The following ZNF224 variants were observed in gnomAD, a reference collection of about 807,000 sequenced individuals.
ZNF224 encodes zinc finger protein 224.
ZNF224 carries 8 observed loss-of-function variants against 10.5 expected under a neutral mutation model. The observed-to-expected ratio is 0.76, with a 90% CI of 0.45 to 1.37. The LOEUF is 1.37. ZNF224 is among the 40% of genes most tolerant of loss of function. The pLI is 0.00. For synonymous variants in ZNF224, 282 were observed against 287.8 expected (o/e 0.98, Z 0.20); for missense variants, 754 against 854.0 (o/e 0.88, Z 1.46).
Position 44,106,963 on chromosome 19 carries a change from C to G in ZNF224, c.803C>G (p.Ala268Gly), listed in dbSNP as rs1343066396. Residue 268 changes from alanine (A) to glycine (G), a missense_variant, in exon 6 of 6, where the codon GCC becomes GGC. Coordinates refer to ENST00000693561, the MANE Select transcript of ZNF224 (RefSeq NM_001321645.3). Reference protein sequence around the residue: ...KPYNCEECGKAFIHDSQLQEH... With the variant: ...KPYNCEECGKGFIHDSQLQEH... ...TATAATTGTGAGGAATGCGGGAAGGCCTTCATTCACGATTCCCAGCTTCAA... is the reference window on the plus strand; with the variant it reads ...TATAATTGTGAGGAATGCGGGAAGGGCTTCATTCACGATTCCCAGCTTCAA... 2 of 1,610,004 alleles carry G rather than the reference C, an allele frequency of 1.2e-6. No individual in the cohort carries two copies. Among genetic ancestry groups the G allele is most frequent in the South Asian group, 1.1e-5 (1 of 90,616 alleles).
rs768859021 is a variant in ZNF224, at chr19:44,094,383, G to A, written c.-305G>A. On this transcript the variant is annotated 5_prime_UTR_variant, in exon 1 of 6. Transcript: ENST00000693561. Reference sequence around the variant, plus strand: ...GGTGGAGTCGCGGACACTTCCGCTCGGGGACTGAGGTTGCTGCAGTTTTTC... The same window carrying A: ...GGTGGAGTCGCGGACACTTCCGCTCAGGGACTGAGGTTGCTGCAGTTTTTC... 6.6e-6 allele frequency: 1 copy of A among 152,148 alleles called. No individual in the cohort carries two copies. Among genetic ancestry groups the A allele is most frequent in the African/African-American group, 2.4e-5 (1 of 41,414 alleles). 9.4% of individuals were successfully genotyped at this position (152,148 alleles called of 1,614,324 possible).
Position 44,107,702 on chromosome 19 carries a change from T to C in ZNF224, c.1542T>C (p.Cys514=). The change falls in exon 6 of 6, where the codon TGT becomes TGC. Residue 514 remains cysteine, a synonymous_variant. Transcript: ENST00000693561. ...ACACTGGAGAAAAGCCATACAAATG[T>C]GAGAAGTGTGGAAAGGGCTACAATA... ...RVHTGEKPYK[C]EKCGKGYNSK... is the part of the protein sequence containing the mutation. 6.2e-7 allele frequency: 1 copy of C among 1,613,796 alleles called. No individual in the cohort carries two copies. Among genetic ancestry groups the C allele is most frequent in the Non-Finnish European group, 8.5e-7 (1 of 1,180,004 alleles).
rs183888723 is a variant in ZNF224, at chr19:44,101,976, T to C, written c.235+751T>C. Among the ~76,000 whole-genome samples the C allele has an allele frequency of 6.2e-4, 95 of 152,308 alleles. 1 individual carries two copies. The highest frequency in any genetic ancestry group is 2.3e-3 in the African/African-American group (94 of 41,556). On this transcript the variant is annotated intron_variant, in intron 5 of 5. Coordinates refer to ENST00000693561, the MANE Select transcript of ZNF224 (RefSeq NM_001321645.3). ...CCCTTGTAATTGTTTTGATCACTCC[T>C]GGATAATCCAGGATGATCTTTCTGT...
intron 3 of ZNF224, among the ~76,000 whole-genome samples, chr19:44,098,393 A>T (rs1967483819): frequency 6.6e-6 from 1 of 152,200 alleles, no homozygotes; most frequent in African/African-American, 2.4e-5. Flanking sequence ...TTTTGTAGAT[A>T]GAGTATCCAT....
At position 44,107,216 on chromosome 19, in the gene ZNF224, C is replaced by T; in HGVS notation, c.1056C>T (p.Gly352=). The part of the protein sequence containing the change: ...KPYKCEECGK[G]FICRRDLYTH... ...ACAAATGTGAGGAGTGTGGAAAAGG[C>T]TTTATTTGTAGGCGAGATCTTTATA... The change falls in exon 6 of 6, where the codon GGC becomes GGT. Residue 352 remains glycine, a synonymous_variant. Transcript: ENST00000693561. 6.2e-7 allele frequency: 1 copy of T among 1,602,844 alleles called. No homozygotes were observed. Among genetic ancestry groups the T allele is most frequent in the South Asian group, 1.1e-5 (1 of 89,236 alleles).
chr19:44,108,690 ATG>A lies in ZNF224; in HGVS notation c.*410_*411del. 1 of 520,834 alleles carries A rather than the reference ATG, an allele frequency of 1.9e-6. No individual in the cohort carries two copies. Among genetic ancestry groups the A allele is most frequent in the Non-Finnish European group, 3.8e-6 (1 of 261,266 alleles). 32.3% of individuals were successfully genotyped at this position (520,834 alleles called of 1,614,324 possible). Reference sequence around the variant, plus strand: ...TGATGTCCACTAGAATGTAAACTACATGTGTCTTTGCTGCTAAGTCGTCACAG... The same window carrying A: ...TGATGTCCACTAGAATGTAAACTACATGTCTTTGCTGCTAAGTCGTCACAG... On this transcript the variant is annotated 3_prime_UTR_variant, in exon 6 of 6. Coordinates refer to ENST00000693561, the MANE Select transcript of ZNF224 (RefSeq NM_001321645.3).
intron 2 of ZNF224, 131 bp from the exon 3 acceptor site, chr19:44,097,675 G>A (rs1320708494): frequency 1.8e-5 from 10 of 545,716 alleles, no homozygotes; most frequent in Non-Finnish European, 2.3e-5. Context: ...TGGTTGTGCC[G>A]TTTTGGGTTT....
intron 5 of ZNF224, among the ~76,000 whole-genome samples, chr19:44,104,614 A>C (rs535029564): frequency 6.6e-6 from 1 of 152,314 alleles, no homozygotes; most frequent in Admixed American, 6.5e-5. Flanking sequence ...CCCAGAATTA[A>C]GGTGTGACGT....
intron 2 of ZNF224, 45 bp from the exon 3 acceptor site, chr19:44,097,761 C>A: frequency 8.1e-7 from 1 of 1,230,390 alleles, no homozygotes; most frequent in South Asian, 1.3e-5. Context: ...GCATCCCTGG[C>A]CACCTTTTCA....
intron 5 of ZNF224, among the ~76,000 whole-genome samples, chr19:44,103,653 T>C (rs1428950172): frequency 1.3e-5 from 2 of 151,968 alleles, no homozygotes; most frequent in African/African-American, 2.4e-5. Flanking sequence ...TATAAAGGAG[T>C]ATTTATCTAT....
intron 5 of ZNF224, among the ~76,000 whole-genome samples, chr19:44,101,841 C>T (rs1967554058): frequency 6.6e-6 from 1 of 152,206 alleles, no homozygotes; most frequent in Non-Finnish European, 1.5e-5. Context: ...ACTGTCCATA[C>T]TCCTTGGCTC....
intron 1 of ZNF224, 69 bp from the exon 2 acceptor site, chr19:44,096,274 T>G (rs1365382627): frequency 1.3e-5 from 2 of 152,224 alleles, no homozygotes; most frequent in African/African-American, 2.4e-5. Flanking sequence ...TAAGAAATTC[T>G]TATTTACTCT....
At chr19:44,097,758 TG>T in intron 2 of ZNF224, 47 bp from the exon 3 acceptor site, 1 of 1,167,318 alleles carries the variant, frequency 8.6e-7, no homozygotes, top group Non-Finnish European at 1.3e-6. Flanking sequence ...GTGGCATCCC[TG>T]GCCACCTTTT....
At chr19:44,102,029 A>G (rs912557412) in intron 5 of ZNF224, among the ~76,000 whole-genome samples, 2 of 152,118 alleles carry the variant, frequency 1.3e-5, no homozygotes, top group African/African-American at 4.8e-5. Context: ...AGCAACCTTA[A>G]TTGCATCTAC....
rs552768201 is a variant in ZNF224, at chr19:44,107,771, G to C, written c.1611G>C (p.Glu537Asp). 5.4e-5 allele frequency: 87 copies of C among 1,601,052 alleles called. No individual in the cohort carries two copies. The highest frequency in any genetic ancestry group is 7.2e-5 in the Non-Finnish European group (84 of 1,172,404). The change falls in exon 6 of 6, where the codon GAG becomes GAC. Residue 537 changes from glutamate to aspartate, a missense_variant. Transcript: ENST00000693561. ...TGCACCAGAAGGTCCACACAGGAGA[G>C]AGACCATACAATTGTAAGGAATGTG... ...LDMHQKVHTGERPYNCKECGK... is the reference protein window; with the variant it reads ...LDMHQKVHTGDRPYNCKECGK...
chr19:44,100,857 G>T lies in ZNF224; in HGVS notation c.72G>T (p.Leu24=). 6.2e-7 allele frequency: 1 copy of T among 1,614,148 alleles called. No homozygotes were observed. The highest frequency in any genetic ancestry group is 1.7e-5 in the Admixed American group (1 of 60,018). ...AVVFTEEELG[L]LDLAQRKLYR... is the part of the protein sequence containing the mutation. Reference sequence around the variant, plus strand: ...TCTTCACTGAGGAAGAGCTGGGGCTGCTGGACCTTGCTCAGAGGAAGCTGT... The same window carrying T: ...TCTTCACTGAGGAAGAGCTGGGGCTTCTGGACCTTGCTCAGAGGAAGCTGT... The change falls in exon 4 of 6, where the codon CTG becomes CTT. Residue 24 remains leucine, a synonymous_variant. Transcript: ENST00000693561.
chr19:44,106,941 A>C lies in ZNF224; in HGVS notation c.781A>C (p.Asn261His). The C allele has an allele frequency of 6.2e-7, 1 of 1,609,770 alleles. No homozygotes were observed. The highest frequency in any genetic ancestry group is 2.2e-5 in the East Asian group (1 of 44,878). Residue 261 changes from asparagine to histidine, a missense_variant, in exon 6 of 6, where the codon AAT becomes CAT. Physicochemically the swap from Asn to His is moderately conservative, Grantham distance 68 (BLOSUM62 1). Transcript: ENST00000693561. The stretch of plus-strand genomic sequence containing the variant: ...ATTACACACAGGAGAGAAACCTTAT[A>C]ATTGTGAGGAATGCGGGAAGGCCTT... ...HKLHTGEKPY[N>H]CEECGKAFIH...
chr19:44,102,644 A>G (rs1967573349), intron 5 of ZNF224, among the ~76,000 whole-genome samples: 1 of 152,216 alleles, frequency 6.6e-6, no homozygotes, highest in South Asian at 2.1e-4. Flanking sequence ...TTTACGGTGG[A>G]CCCACATCCC....
intron 3 of ZNF224, among the ~76,000 whole-genome samples, chr19:44,100,510 T>G (rs1967525218): frequency 6.6e-6 from 1 of 152,194 alleles, no homozygotes; most frequent in Non-Finnish European, 1.5e-5. Flanking sequence ...CATATATATG[T>G]GTAGCCCAGG....
Sources: allele counts gnomAD v4.1 joint callset (sites outside exome capture counted in the v4.1 genomes callset), GRCh38; gene constraint gnomAD v4.1.1; transcripts MANE v1.5; gene names NCBI Gene and HGNC (gene_info 2026-07-23, HGNC 2026-07-21).